The following AP1M1 variants were observed in gnomAD, a reference collection of about 807,000 sequenced individuals.
AP1M1 encodes adaptor related protein complex 1 subunit mu 1.
Under a neutral mutation model 57.1 loss-of-function variants are expected in AP1M1, and 18 were observed. The ratio of observed to expected loss-of-function variants is 0.32; its 90% confidence interval spans 0.22 to 0.47. The LOEUF (loss-of-function observed/expected upper bound fraction) is 0.47, where lower values mean the gene tolerates loss of function less well. Ranked by LOEUF, AP1M1 falls within the 20% of genes least tolerant of loss-of-function variation. The pLI is 1.00. For synonymous variants in AP1M1, 241 were observed against 237.9 expected, an observed-to-expected ratio of 1.01 and a Z score of -0.12; for missense variants, 362 against 593.5, an observed-to-expected ratio of 0.61 and a Z score of 4.05.
At chr19:16,215,067 C>G (rs1398764099) in intron 5 of AP1M1, among the ~76,000 whole-genome samples, 2 of 151,150 alleles carry the variant, frequency 1.3e-5, no homozygotes, top group Non-Finnish European at 2.9e-5. Context: ...TCTCATTTCT[C>G]CTTTGCTGAT....
rs990552113 is a variant in AP1M1, at chr19:16,234,489, G to T, written c.*54G>T. 119 of 1,607,828 alleles carry T rather than the reference G, an allele frequency of 7.4e-5. No individual in the cohort carries two copies. In the Admixed American group the frequency reaches 1.0e-3, roughly 14 times the overall value. ...CGGGGCTCCTGGTGGCAGCACCAGGGGACACACCTGCCAAACCCACCAGAT... is the reference window on the plus strand; with the variant it reads ...CGGGGCTCCTGGTGGCAGCACCAGGTGACACACCTGCCAAACCCACCAGAT... On this transcript the variant is annotated 3_prime_UTR_variant, in exon 12 of 12. Coordinates refer to ENST00000291439, the MANE Select transcript of AP1M1 (RefSeq NM_032493.4).
intron 9 of AP1M1, among the ~76,000 whole-genome samples, chr19:16,231,100 A>G (rs1425947422): frequency 6.6e-6 from 1 of 151,936 alleles, no homozygotes; most frequent in African/African-American, 2.4e-5. Context: ...CATCCTGGCT[A>G]ACATGGTGAA....
Position 16,228,072 on chromosome 19 carries a change from C to A in AP1M1, c.817-65C>A. On this transcript the variant is annotated intron_variant, in intron 7 of 11. Coordinates refer to ENST00000291439, the MANE Select transcript of AP1M1 (RefSeq NM_032493.4). The surrounding 1 kb of genome is among the most constrained non-coding windows in gnomAD (Gnocchi z 5.0). ...GTCCCTTGCCCTGGGCCTTGGTTTC[C>A]CCTCTGAAATGGGCCTTTGTCAAAC... 6.5e-7 allele frequency: 1 copy of A among 1,534,338 alleles called. No individual in the cohort carries two copies.
intron 5 of AP1M1, among the ~76,000 whole-genome samples, chr19:16,214,835 A>G (rs983197728): frequency 3.3e-5 from 5 of 150,234 alleles, no homozygotes; most frequent in African/African-American, 1.2e-4. Context: ...TGCAACCTCT[A>G]CCTCCCTGGC....
chr19:16,212,241 T>G (rs1174024198), intron 5 of AP1M1, among the ~76,000 whole-genome samples: 2 of 152,126 alleles, frequency 1.3e-5, no homozygotes, highest in African/African-American at 4.8e-5. Flanking sequence ...AGGTTTTTTT[T>G]GGTTGTTAGG....
At position 16,227,538 on chromosome 19, in the gene AP1M1, CT is replaced by C; in HGVS notation, c.674-9del. On this transcript the variant is annotated splice_polypyrimidine_tract_variant and intron_variant, in intron 6 of 11. Coordinates refer to ENST00000291439, the MANE Select transcript of AP1M1 (RefSeq NM_032493.4). The surrounding 1 kb of genome is among the most constrained non-coding windows in gnomAD (Gnocchi z 6.2). Reference sequence around the variant, plus strand: ...GCCCAGATCTGTCCTACCCTCACCCCTGACCCCAGGCGGCAAAAGCAAATCC... The same window carrying C: ...GCCCAGATCTGTCCTACCCTCACCCCGACCCCAGGCGGCAAAAGCAAATCC... 1 of 1,613,504 alleles carries C rather than the reference CT, an allele frequency of 6.2e-7. No individual in the cohort carries two copies. Among genetic ancestry groups the C allele is most frequent in the Non-Finnish European group, 8.5e-7 (1 of 1,179,552 alleles).
rs2091459057 is a variant in AP1M1 at position 16,203,837 on chromosome 19, A to G, written c.199+222A>G. On this transcript the variant is annotated intron_variant, in intron 2 of 11. Transcript: ENST00000291439. This position sits in a 1 kb window ranked among gnomAD's most constrained non-coding sequence, Gnocchi z 4.6. Reference sequence around the variant, plus strand: ...GAGCAGGTGTGACTTGAACCTCTTCAGCCCAGGGGCCCAGGAAGGGAAATG... The same window carrying G: ...GAGCAGGTGTGACTTGAACCTCTTCGGCCCAGGGGCCCAGGAAGGGAAATG... 6.6e-6 allele frequency among the ~76,000 whole-genome samples: 1 copy of G among 152,116 alleles called. No individual in the cohort carries two copies. The highest frequency in any genetic ancestry group is 6.5e-5 in the Admixed American group (1 of 15,274).
At position 16,203,420 on chromosome 19, in the gene AP1M1, G is replaced by A. The variant is rs1390050805; in HGVS notation, c.43-39G>A. 1.2e-6 allele frequency: 2 copies of A among 1,613,512 alleles called. No individual in the cohort carries two copies. The highest frequency in any genetic ancestry group is 1.7e-6 in the Non-Finnish European group (2 of 1,179,530). On this transcript the variant is annotated intron_variant, in intron 1 of 11. Coordinates refer to ENST00000291439, the MANE Select transcript of AP1M1 (RefSeq NM_032493.4). The surrounding 1 kb of genome is among the most constrained non-coding windows in gnomAD (Gnocchi z 4.6). ...CCCCAAGCCCCCAGATTGTAGAACT[G>A]AAAATGCAAGCATCTTTTCTCTTCC... is the stretch of plus-strand genomic sequence containing the variant.
At chr19:16,218,112 A>T (rs1469689129) in intron 5 of AP1M1, among the ~76,000 whole-genome samples, 1 of 152,256 alleles carries the variant, frequency 6.6e-6, no homozygotes, top group Non-Finnish European at 1.5e-5. Flanking sequence ...ATTAAAAGTC[A>T]GTATAAATGT....
At chr19:16,209,340 T>G in intron 5 of AP1M1, 163 bp downstream of exon 5, 2 of 755,544 alleles carry the variant, frequency 2.6e-6, no homozygotes, top group South Asian at 4.0e-5. Context: ...TGTCTTATCT[T>G]TTTTTTTTGA....
At chr19:16,218,273 T>C (rs1003579456) in intron 5 of AP1M1, among the ~76,000 whole-genome samples, 22 of 152,192 alleles carry the variant, frequency 1.4e-4, no homozygotes, top group Non-Finnish European at 8.8e-5. Context: ...AGTTCTTTCC[T>C]GGCTGAAACC....
rs532814333 is a variant in AP1M1 at position 16,207,775 on chromosome 19, C to T, written c.268-244C>T. ...GTCTGGGCAGGGAAGAGAATGGGAACGCAGAGCTTCTGAAGGCCTCGGGAC... is the reference window on the plus strand; with the variant it reads ...GTCTGGGCAGGGAAGAGAATGGGAATGCAGAGCTTCTGAAGGCCTCGGGAC... On this transcript the variant is annotated intron_variant, in intron 3 of 11. Transcript: ENST00000291439. The surrounding 1 kb of genome is among the most constrained non-coding windows in gnomAD (Gnocchi z 4.2). 2.9e-4 allele frequency among the ~76,000 whole-genome samples: 44 copies of T among 152,192 alleles called. 1 individual carries two copies. Among genetic ancestry groups the T allele is most frequent in the Admixed American group, 2.4e-3 (36 of 15,286 alleles).
In AP1M1 at chr19:16,206,617, AAG is replaced by A; in HGVS notation, c.267+210_267+211del. The A allele has an allele frequency of 3.3e-6, 2 of 607,742 alleles. No individual in the cohort carries two copies. The highest frequency in any genetic ancestry group is 5.9e-6 in the Non-Finnish European group (2 of 337,550). The allele number at this position is 607,742 out of a possible 1,614,324, so 37.6% of individuals were successfully genotyped here. A position where few individuals can be genotyped will look rare whatever the true frequency, so the allele number is the denominator to read the frequency against. ...CGTTGCTCCCCTACCGTGGGGAAGA[AAG>A]GAAAGTGAACAGGAAAAGGTAGGGC... is the stretch of plus-strand genomic sequence containing the variant. On this transcript the variant is annotated intron_variant, in intron 3 of 11. Coordinates refer to ENST00000291439, the MANE Select transcript of AP1M1 (RefSeq NM_032493.4). This position sits in a 1 kb window ranked among gnomAD's most constrained non-coding sequence, Gnocchi z 4.3.
Position 16,197,975 on chromosome 19 carries a change from T to TCGCTGCCGCCGCCTCCGCCCTCGGC in AP1M1, c.-39_-38insTCCGCCCTCGGCCGCTGCCGCCGCC. On this transcript the variant is annotated 5_prime_UTR_variant, in exon 1 of 12. Coordinates refer to ENST00000291439, the MANE Select transcript of AP1M1 (RefSeq NM_032493.4). ...GCTCAACGCCCAGCAGTCCCCACCG[T>TCGCTGCCGCCGCCTCCGCCCTCGGC]CGCTGCCGCCGCCACCGCCCTCGGC... 1 of 1,451,820 alleles carries TCGCTGCCGCCGCCTCCGCCCTCGGC rather than the reference T, an allele frequency of 6.9e-7. No homozygotes were observed. Among genetic ancestry groups the TCGCTGCCGCCGCCTCCGCCCTCGGC allele is most frequent in the Non-Finnish European group, 9.2e-7 (1 of 1,087,934 alleles). The allele number at this position is 1,451,820 out of a possible 1,614,324, so 89.9% of individuals were successfully genotyped here. A position where few individuals can be genotyped will look rare whatever the true frequency, so the allele number is the denominator to read the frequency against.
At chr19:16,214,454 C>T in intron 5 of AP1M1, among the ~76,000 whole-genome samples, 1 of 146,448 alleles carries the variant, frequency 6.8e-6, no homozygotes, top group East Asian at 2.1e-4. Context: ...CTGGCTCAAG[C>T]AATTCTCCTG....
chr19:16,222,985 TG>T (rs1220525332), intron 5 of AP1M1, among the ~76,000 whole-genome samples: 1 of 152,240 alleles, frequency 6.6e-6, no homozygotes, highest in East Asian at 1.9e-4. Flanking sequence ...AGTGGTTGAT[TG>T]GGTTTTCCAG....
intron 5 of AP1M1, among the ~76,000 whole-genome samples, chr19:16,225,965 C>T (rs1223468002): frequency 1.3e-5 from 2 of 152,150 alleles, no homozygotes; most frequent in African/African-American, 4.8e-5. Context: ...GGGTCCTGGC[C>T]CAGGTCCAGC....
intron 5 of AP1M1, 113 bp from the exon 6 acceptor site, chr19:16,226,308 T>G: frequency 7.2e-7 from 1 of 1,398,258 alleles, no homozygotes; most frequent in African/African-American, 1.4e-5. Flanking sequence ...AGGGATGGGC[T>G]TGGAGGTGAG....
intron 9 of AP1M1, among the ~76,000 whole-genome samples, chr19:16,229,784 G>A (rs1030637749): frequency 6.6e-6 from 1 of 152,164 alleles, no homozygotes; most frequent in Non-Finnish European, 1.5e-5. Context: ...CAGCCTTTCC[G>A]CGTGTCTCCT....
Sources: gnomAD v4.1 joint callset for allele counts (sites outside exome capture counted in the v4.1 genomes callset) on GRCh38, gnomAD v4.1.1 for gene constraint, Gnocchi (gnomAD v3.1) non-coding constraint, MANE v1.5 for transcripts, NCBI Gene and HGNC (gene_info 2026-07-23, HGNC 2026-07-21) for gene names.